Variants in L3MBTL4 observed in about 807,000 individuals in gnomAD.
L3MBTL4 encodes L3MBTL histone methyl-lysine binding protein 4.
A neutral mutation model predicts 84.5 loss-of-function variants in L3MBTL4; 70 were observed. That is an observed-to-expected ratio of 0.83 (90% CI 0.68 to 1.01). The LOEUF (loss-of-function observed/expected upper bound fraction) is 1.01, where lower values mean the gene tolerates loss of function less well. L3MBTL4 is among the 50% of genes least tolerant of loss of function. The pLI is 0.00. For synonymous variants in L3MBTL4, 274 were observed against 259.8 expected (o/e 1.05, Z -0.52); for missense variants, 715 against 754.8 (o/e 0.95, Z 0.62).
chr18:5,968,692 G>C (rs1169213765), intron 17 of L3MBTL4, among the ~76,000 whole-genome samples: 1 of 119,080 alleles, frequency 8.4e-6, no homozygotes, highest in Non-Finnish European at 1.7e-5. Flanking sequence ...GCAAGACCTT[G>C]TCTCTAAATA....
chr18:5,991,952 C>T (rs1461324460), intron 16 of L3MBTL4, among the ~76,000 whole-genome samples: 2 of 151,780 alleles, frequency 1.3e-5, no homozygotes, highest in Non-Finnish European at 2.9e-5. Context: ...TAGCCCTGGG[C>T]TGTGGCTTTT....
intron 15 of L3MBTL4, among the ~76,000 whole-genome samples, chr18:6,083,772 G>A (rs1188740630): frequency 1.3e-5 from 2 of 152,142 alleles, no homozygotes; most frequent in Non-Finnish European, 2.9e-5. Flanking sequence ...AGTGTCAAGA[G>A]ACCTGTGTAT....
intron 1 of L3MBTL4, among the ~76,000 whole-genome samples, chr18:6,362,173 A>T (rs1343592755): frequency 8.2e-6 from 1 of 121,562 alleles, no homozygotes; most frequent in Non-Finnish European, 1.7e-5. Context: ...GGAAGGAAAG[A>T]AGAAAGGAAG....
At chr18:6,346,826 G>C (rs1410930353) in intron 1 of L3MBTL4, among the ~76,000 whole-genome samples, 2 of 152,066 alleles carry the variant, frequency 1.3e-5, no homozygotes, top group East Asian at 3.9e-4. Context: ...CCACATCTGG[G>C]CATATATTTA....
At chr18:6,138,808 TCC>T (rs746091053) in intron 13 of L3MBTL4, among the ~76,000 whole-genome samples, 31 of 152,194 alleles carry the variant, frequency 2.0e-4, no homozygotes, top group Non-Finnish European at 3.7e-4. Flanking sequence ...CACCTCAGCC[TCC>T]CAAAGTACTG....
chr18:5,983,628 A>T (rs374299540), intron 16 of L3MBTL4, among the ~76,000 whole-genome samples: 1 of 152,294 alleles, frequency 6.6e-6, no homozygotes. Flanking sequence ...ATATTTAGGA[A>T]CATTCTGCAG....
chr18:6,194,795 T>G (rs950108239), intron 12 of L3MBTL4, among the ~76,000 whole-genome samples: 8 of 152,168 alleles, frequency 5.3e-5, no homozygotes, highest in African/African-American at 1.9e-4. Flanking sequence ...CCCGATGAAT[T>G]GCCATCCAGC....
At chr18:6,020,402 G>A (rs1201415854) in intron 16 of L3MBTL4, among the ~76,000 whole-genome samples, 3 of 152,122 alleles carry the variant, frequency 2.0e-5, no homozygotes, top group Admixed American at 6.5e-5. Flanking sequence ...GGATAGAGAC[G>A]TGAGCAAGGA....
chr18:6,309,225 C>T (rs966214108), intron 3 of L3MBTL4, among the ~76,000 whole-genome samples: 8 of 152,192 alleles, frequency 5.3e-5, no homozygotes, highest in African/African-American at 1.7e-4. Flanking sequence ...AAAATTCAAG[C>T]ATGACTCAAC....
intron 1 of L3MBTL4, among the ~76,000 whole-genome samples, chr18:6,407,144 C>T (rs770377286): frequency 1.4e-4 from 22 of 152,174 alleles, no homozygotes; most frequent in Non-Finnish European, 2.9e-4. Context: ...TCCTTGTCCT[C>T]ATAGTAAAAG....
chr18:6,400,584 G>A (rs537684884), intron 1 of L3MBTL4, among the ~76,000 whole-genome samples: 18 of 152,086 alleles, frequency 1.2e-4, no homozygotes, highest in East Asian at 3.9e-4. Flanking sequence ...TAATTTTTTC[G>A]TATTTTTAGT....
chr18:6,009,200 C>A (rs908590679), intron 16 of L3MBTL4, among the ~76,000 whole-genome samples: 1 of 152,190 alleles, frequency 6.6e-6, no homozygotes, highest in Non-Finnish European at 1.5e-5. Flanking sequence ...TCTATGGCAA[C>A]CTAAACGTAA....
At chr18:6,133,968 A>G (rs1042063853) in intron 14 of L3MBTL4, among the ~76,000 whole-genome samples, 2 of 152,188 alleles carry the variant, frequency 1.3e-5, no homozygotes, top group East Asian at 3.8e-4. Context: ...CATTGTGCAT[A>G]TGGCCTGTAT....
At chr18:6,259,421 G>A (rs1475106050) in intron 5 of L3MBTL4, 4 of 152,204 alleles carry the variant, frequency 2.6e-5, no homozygotes, top group African/African-American at 7.2e-5. Flanking sequence ...TGGCTTGTGT[G>A]AGATGGTATC....
At position 6,004,246 on chromosome 18, in the gene L3MBTL4, C is replaced by T. The variant is rs543025716; in HGVS notation, c.1445-34684G>A. Among the ~76,000 whole-genome samples the T allele has an allele frequency of 1.4e-4, 22 of 152,108 alleles. No homozygotes were observed. The South Asian group carries it at 4.2e-3, about 29-fold the overall frequency. ...AAGGATTATAAGAGAGTAGTGTGAA[C>T]GACTGTCTGCCAACAAGTTGGATAA... On this transcript the variant is annotated intron_variant, in intron 16 of 18. Coordinates refer to ENST00000317931, the MANE Select transcript of L3MBTL4 (RefSeq NM_001330559.2).
chr18:6,072,919 TATATATAC>T (rs1269671328), intron 16 of L3MBTL4, among the ~76,000 whole-genome samples: 9 of 91,178 alleles, frequency 9.9e-5, no homozygotes, highest in African/African-American at 4.2e-4. Flanking sequence ...TATATATATA[TATATATAC>T]ACACATACAT....
At chr18:6,335,176 C>T (rs781547393) in intron 1 of L3MBTL4, among the ~76,000 whole-genome samples, 6 of 152,116 alleles carry the variant, frequency 3.9e-5, no homozygotes, top group Non-Finnish European at 5.9e-5. Context: ...CTGCAACCTC[C>T]GTCTCCTGGG....
intron 18 of L3MBTL4, among the ~76,000 whole-genome samples, chr18:5,957,083 T>C (rs2095231493): frequency 6.6e-6 from 1 of 152,240 alleles, no homozygotes; most frequent in Non-Finnish European, 1.5e-5. Flanking sequence ...TGTAGAATAG[T>C]GGTTAGTTTT....
intron 1 of L3MBTL4, among the ~76,000 whole-genome samples, chr18:6,362,160 GAAGGAAGGAA>G (rs1338206375): frequency 2.3e-4 from 26 of 114,298 alleles, no homozygotes; most frequent in African/African-American, 8.9e-4. Flanking sequence ...GGGGGGAAGA[GAAGGAAGGAA>G]AGAAGAAAGG....
Sources: gnomAD v4.1 joint callset for allele counts (sites outside exome capture counted in the v4.1 genomes callset) on GRCh38, gnomAD v4.1.1 for gene constraint, MANE v1.5 for transcripts, NCBI Gene and HGNC (gene_info 2026-07-23, HGNC 2026-07-21) for gene names.